UBR7: variants seen among roughly 807,000 people sequenced by gnomAD.
UBR7 encodes ubiquitin protein ligase E3 component n-recognin 7.
A neutral mutation model predicts 57.0 loss-of-function variants in UBR7; 22 were observed. The ratio of observed to expected loss-of-function variants is 0.39; its 90% CI spans 0.28 to 0.55. The LOEUF (loss-of-function observed/expected upper bound fraction) is 0.55. Among genes scored for constraint, UBR7 ranks in the 20% least tolerant of loss-of-function variants. UBR7 has a pLI of 0.69. For synonymous variants in UBR7, 167 were observed against 179.8 expected, an observed-to-expected ratio of 0.93 and a Z score of 0.57; for missense variants, 395 against 513.2, an observed-to-expected ratio of 0.77 and a Z score of 2.23.
chr14:93,220,234 T>TC lies in UBR7; in HGVS notation c.961-15_961-14insC. 1 of 1,599,288 alleles carries TC rather than the reference T, an allele frequency of 6.3e-7. No homozygotes were observed. The highest frequency in any genetic ancestry group is 8.5e-7 in the Non-Finnish European group (1 of 1,177,780). Reference sequence around the variant, plus strand: ...GAAACTCCTCTTTCTTTTTTTTTTTTTTTTTTCCCTAAAGAAAATGTATGG... The same window carrying TC: ...GAAACTCCTCTTTCTTTTTTTTTTTTCTTTTTTCCCTAAAGAAAATGTATGG... On this transcript the variant is annotated splice_polypyrimidine_tract_variant and intron_variant, in intron 8 of 10. Coordinates refer to ENST00000013070, the MANE Select transcript of UBR7 (RefSeq NM_175748.4).
intron 9 of UBR7, among the ~76,000 whole-genome samples, chr14:93,221,952 AAAAAT>A (rs959028309): frequency 3.4e-5 from 5 of 148,790 alleles, no homozygotes; most frequent in African/African-American, 7.7e-5. Flanking sequence ...CTCCATCTCA[AAAAAT>A]AAAATAAATT....
intron 6 of UBR7, among the ~76,000 whole-genome samples, chr14:93,217,458 TCA>T (rs1894613363): frequency 6.6e-6 from 1 of 152,188 alleles, no homozygotes; most frequent in African/African-American, 2.4e-5. Context: ...CTTCTCTGTC[TCA>T]GAGTATATCT....
rs183703525 is a variant in UBR7 at position 93,216,479 on chromosome 14, A to G, written c.601+1198A>G. 6.4e-4 allele frequency among the ~76,000 whole-genome samples: 98 copies of G among 152,320 alleles called. 2 individuals are homozygous for G. In the Middle Eastern group the frequency reaches 0.017, roughly 26 times the overall value. Reference sequence around the variant, plus strand: ...TTTTAAGGTGGCAGTTACTCATGGTATCTGCTGCTTAGGCTTCATAATTTC... The same window carrying G: ...TTTTAAGGTGGCAGTTACTCATGGTGTCTGCTGCTTAGGCTTCATAATTTC... On this transcript the variant is annotated intron_variant, in intron 6 of 10. Transcript: ENST00000013070.
At chr14:93,221,621 A>G (rs1894709145) in intron 9 of UBR7, among the ~76,000 whole-genome samples, 2 of 152,132 alleles carry the variant, frequency 1.3e-5, no homozygotes, top group Non-Finnish European at 2.9e-5. Context: ...TCAAGGATAG[A>G]GGATGCACCT....
At chr14:93,225,132 G>T (rs1200565009) in intron 10 of UBR7, among the ~76,000 whole-genome samples, 1 of 151,986 alleles carries the variant, frequency 6.6e-6, no homozygotes, top group Non-Finnish European at 1.5e-5. Flanking sequence ...GAAAAATGTG[G>T]TATTTTTGTT....
intron 6 of UBR7, among the ~76,000 whole-genome samples, chr14:93,217,760 C>CTAA (rs1309100391): frequency 6.6e-6 from 1 of 152,208 alleles, no homozygotes; most frequent in East Asian, 1.9e-4. Context: ...CTACGGTGGA[C>CTAA]TAATCTCTTT....
chr14:93,207,561 G>C, intron 1 of UBR7, 120 bp downstream of exon 1: 1 of 1,333,144 alleles, frequency 7.5e-7, no homozygotes, highest in South Asian at 1.5e-5. Flanking sequence ...CGGGGCCGCC[G>C]TTAGTCTGCC....
At position 93,218,643 on chromosome 14, in the gene UBR7, G is replaced by A. The variant is rs1352356399; in HGVS notation, c.718G>A (p.Val240Ile). 1.2e-6 allele frequency: 2 copies of A among 1,614,176 alleles called. No homozygotes were observed. The highest frequency in any genetic ancestry group is 1.7e-6 in the Non-Finnish European group (2 of 1,180,034). ...TCAAGATAGTACCCTCAAAGAGGAT[G>A]TTCCAGAACAGGGAAAGGATGATGT... is the stretch of plus-strand genomic sequence containing the variant. Reference protein sequence around the residue: ...EHQDSTLKEDVPEQGKDDVRE... With the variant: ...EHQDSTLKEDIPEQGKDDVRE... The change falls in exon 7 of 11, where the codon GTT becomes ATT. Residue 240 changes from valine to isoleucine, a missense_variant. Physicochemically the swap from Val to Ile is conservative, Grantham distance 29. Transcript: ENST00000013070.
intron 4 of UBR7, 53 bp from the exon 5 acceptor site, chr14:93,214,876 T>C (rs1377822130): frequency 4.7e-6 from 7 of 1,503,812 alleles, no homozygotes; most frequent in Non-Finnish European, 6.5e-6. Context: ...GCCAGGTTAT[T>C]TCCATGTTCC....
At chr14:93,207,521 C>T (rs1595263090) in intron 1 of UBR7, 80 bp downstream of exon 1, 1 of 1,459,860 alleles carries the variant, frequency 6.8e-7, no homozygotes, top group Middle Eastern at 2.5e-4. Flanking sequence ...CTATTCCCGC[C>T]TTGCCGCAGT....
chr14:93,222,123 A>C (rs1288214498), intron 9 of UBR7, among the ~76,000 whole-genome samples, 190 bp from the exon 10 acceptor site: 1 of 151,092 alleles, frequency 6.6e-6, no homozygotes, highest in East Asian at 1.9e-4. Flanking sequence ...TTTTTTAATG[A>C]AAAAGGGTCT....
intron 3 of UBR7, among the ~76,000 whole-genome samples, chr14:93,211,114 T>C (rs1894472806): frequency 6.6e-6 from 1 of 152,016 alleles, no homozygotes. Flanking sequence ...CACCCAGTCA[T>C]CTACTCGGTC....
Position 93,227,515 on chromosome 14 carries a change from C to G in UBR7, c.*480C>G, listed in dbSNP as rs1566826201. 1 of 697,690 alleles carries G rather than the reference C, an allele frequency of 1.4e-6. No homozygotes were observed. The highest frequency in any genetic ancestry group is 2.6e-6 in the Non-Finnish European group (1 of 383,400). The allele number at this position is 697,690 out of a possible 1,614,324, so 43.2% of individuals were successfully genotyped here. ...TGCCTTGGGTCAAAGCTTCCTCAAG[C>G]CTGGTCTGCTCCTTCTTTCACGTCC... is the stretch of plus-strand genomic sequence containing the variant. On this transcript the variant is annotated 3_prime_UTR_variant, in exon 11 of 11. Coordinates refer to ENST00000013070, the MANE Select transcript of UBR7 (RefSeq NM_175748.4).
chr14:93,210,691 G>A lies in UBR7; in HGVS notation c.328G>A (p.Glu110Lys). Reference sequence around the variant, plus strand: ...TGGAAACAGCAAGTTTAAAAATTTGGAATGCAAATTACTTCCTGTAAGTAA... The same window carrying A: ...TGGAAACAGCAAGTTTAAAAATTTGAAATGCAAATTACTTCCTGTAAGTAA... The part of the protein sequence containing the change: ...DCGNSKFKNL[E>K]CKLLPDKAKV... The change falls in exon 3 of 11, where the codon GAA becomes AAA. Residue 110 changes from glutamate (E) to lysine (K), a missense_variant. Transcript: ENST00000013070. 6.2e-7 allele frequency: 1 copy of A among 1,609,608 alleles called. No individual in the cohort carries two copies. Among genetic ancestry groups the A allele is most frequent in the African/African-American group, 1.3e-5 (1 of 74,970 alleles).
rs148791676 is a variant in UBR7, at chr14:93,209,720, T to G, written c.151-104T>G. ...CTTAATGGTTTTTACAGAAAGATCT[T>G]GACCACAGATAATCTGATTTTAATT... On this transcript the variant is annotated intron_variant, in intron 1 of 10. Coordinates refer to ENST00000013070, the MANE Select transcript of UBR7 (RefSeq NM_175748.4). 530 of 1,425,816 alleles carry G rather than the reference T, an allele frequency of 3.7e-4. 2 individuals are homozygous for G. Among genetic ancestry groups the G allele is most frequent in the Middle Eastern group, 2.7e-3 (14 of 5,124 alleles). 88.3% of individuals were successfully genotyped at this position (1,425,816 alleles called of 1,614,324 possible).
At chr14:93,219,924 G>C (rs1021321661) in intron 8 of UBR7, among the ~76,000 whole-genome samples, 2 of 151,440 alleles carry the variant, frequency 1.3e-5, no homozygotes, top group African/African-American at 4.9e-5. Flanking sequence ...GCAATGAGTC[G>C]AGATCATGCC....
intron 10 of UBR7, among the ~76,000 whole-genome samples, chr14:93,223,394 CA>C (rs34453404): frequency 3.4e-4 from 32 of 94,342 alleles, no homozygotes; most frequent in South Asian, 1.2e-3. Flanking sequence ...GACTCCATCT[CA>C]AAAAAAAAAA....
At chr14:93,223,558 C>T (rs1894759012) in intron 10 of UBR7, 3 of 733,920 alleles carry the variant, frequency 4.1e-6, no homozygotes, top group Non-Finnish European at 6.9e-6. Context: ...GGGGGCGTTC[C>T]TGAGTTTATT....
At position 93,210,152 on chromosome 14, in the gene UBR7, A is replaced by T. The variant is rs192874816; in HGVS notation, c.284+195A>T. Among the ~76,000 whole-genome samples, 589 of 151,690 alleles carry T rather than the reference A, an allele frequency of 3.9e-3. 2 individuals carry two copies. Among genetic ancestry groups the T allele is most frequent in the African/African-American group, 0.014 (565 of 41,304 alleles). ...AGGCTGGAGTGCAGTGGTGTGATCTAGGCTCACTGCAAGCTCCGTCTCCCG... is the reference window on the plus strand; with the variant it reads ...AGGCTGGAGTGCAGTGGTGTGATCTTGGCTCACTGCAAGCTCCGTCTCCCG... On this transcript the variant is annotated intron_variant, in intron 2 of 10. Transcript: ENST00000013070.
Sources: gnomAD v4.1 joint callset for allele counts (sites outside exome capture counted in the v4.1 genomes callset) on GRCh38, gnomAD v4.1.1 for gene constraint, MANE v1.5 for transcripts, NCBI Gene and HGNC (gene_info 2026-07-23, HGNC 2026-07-21) for gene names.